RAB3IL1: variants seen among roughly 807,000 people sequenced by gnomAD.
RAB3IL1 encodes the protein RAB3A interacting protein like 1.
RAB3IL1 carries 37 observed loss-of-function variants against 49.2 expected under a neutral mutation model. The observed-to-expected ratio is 0.75, with a 90% CI of 0.58 to 0.99. RAB3IL1 has a LOEUF of 0.99. RAB3IL1 is among the 50% of genes least tolerant of loss of function. The pLI is 0.00. For missense variants in RAB3IL1, 484 were observed against 513.0 expected (o/e 0.94, Z 0.55); for synonymous variants, 193 against 213.9 (o/e 0.90, Z 0.85).
chr11:61,902,299 C>CA (rs1257287066), intron 8 of RAB3IL1, 143 bp downstream of exon 8: 1 of 749,116 alleles, frequency 1.3e-6, no homozygotes, highest in African/African-American at 1.8e-5. Context: ...GCCTGGGTGA[C>CA]AAAGACTCTG....
At chr11:61,931,130 A>G in the RAB3IL1 span, among the ~76,000 whole-genome samples, 522 of 152,292 alleles carry the variant, frequency 3.4e-3, 2 homozygotes, top group African/African-American at 0.012. Flanking sequence ...CCGATAAGCA[A>G]TTTGATCCCT....
At chr11:61,902,303 G>T in intron 8 of RAB3IL1, 139 bp downstream of exon 8, 1 of 762,396 alleles carries the variant, frequency 1.3e-6, no homozygotes, top group Non-Finnish European at 2.1e-6. Flanking sequence ...GGGTGACAAA[G>T]ACTCTGTCTC....
In RAB3IL1 at chr11:61,898,317, C is replaced by T. The variant is rs776597901; in HGVS notation, c.1110G>A (p.Met370Ile). Residue 370 changes from methionine (M) to isoleucine (I), a missense_variant, in exon 10 of 10, where the codon ATG becomes ATA. Transcript: ENST00000394836. This position sits in a 1 kb window ranked among gnomAD's most constrained non-coding sequence, Gnocchi z 5.1. The part of the protein sequence containing the change: ...FWEIMRLRKE[M>I]SLAKLGFFPQ... ...GGAAGAAGCCGAGCTTGGCCAGTGACATCTCCTTCCGCAACCTCATGATCT... is the reference window on the plus strand; with the variant it reads ...GGAAGAAGCCGAGCTTGGCCAGTGATATCTCCTTCCGCAACCTCATGATCT... 5 of 1,613,502 alleles carry T rather than the reference C, an allele frequency of 3.1e-6. No individual in the cohort carries two copies. The highest frequency in any genetic ancestry group is 3.3e-5 in the Admixed American group (2 of 59,996).
At chr11:61,932,547 C>T in the RAB3IL1 span, among the ~76,000 whole-genome samples, 6,559 of 152,208 alleles carry the variant, frequency 0.043, 446 homozygotes, top group South Asian at 0.34. Flanking sequence ...CTTCCAGGCA[C>T]AGGGTGTATA....
Position 61,898,411 on chromosome 11 carries a change from GGGCAGAT to G in RAB3IL1, c.1067-58_1067-52del. 1 of 1,510,520 alleles carries G rather than the reference GGGCAGAT, an allele frequency of 6.6e-7. No individual in the cohort carries two copies. Among genetic ancestry groups the G allele is most frequent in the South Asian group, 1.1e-5 (1 of 88,828 alleles). 93.6% of individuals were successfully genotyped at this position (1,510,520 alleles called of 1,614,324 possible). A position where few individuals can be genotyped will look rare whatever the true frequency, so the allele number is the denominator to read the frequency against. On this transcript the variant is annotated intron_variant, in intron 9 of 9. Transcript: ENST00000394836. This position sits in a 1 kb window ranked among gnomAD's most constrained non-coding sequence, Gnocchi z 5.1. Reference sequence around the variant, plus strand: ...GTCGGGGACAGCTCAGGGTCACCTCGGGCAGATGGCCAGGTCCCCTCCTGTGGCTTTG... The same window carrying G: ...GTCGGGGACAGCTCAGGGTCACCTCGGGCCAGGTCCCCTCCTGTGGCTTTG...
chr11:61,926,221 A>G, the RAB3IL1 span, among the ~76,000 whole-genome samples: 1 of 152,140 alleles, frequency 6.6e-6, no homozygotes, highest in African/African-American at 2.4e-5. Context: ...GCGAAAATCA[A>G]TAAGAAAAAA....
intron 4 of RAB3IL1, 32 bp downstream of exon 4, chr11:61,907,361 G>A (rs747700807): frequency 2.5e-6 from 4 of 1,608,572 alleles, no homozygotes; most frequent in Admixed American, 1.7e-5. Context: ...GGGGTGCCTG[G>A]GCTGGCCTGG....
At chr11:61,944,224 T>TTCCC in the RAB3IL1 span, among the ~76,000 whole-genome samples, 7 of 107,326 alleles carry the variant, frequency 6.5e-5, no homozygotes, top group Non-Finnish European at 1.1e-4. Flanking sequence ...CCTTCCCTCC[T>TTCCC]TCCTTCCTTC....
chr11:61,910,069 T>C (rs186565496), intron 1 of RAB3IL1, among the ~76,000 whole-genome samples: 99 of 152,276 alleles, frequency 6.5e-4, no homozygotes, highest in Middle Eastern at 6.8e-3. Flanking sequence ...CGTGGTATTG[T>C]CCCATTCTAC....
chr11:61,917,580 G>A (rs1039270141), upstream of RAB3IL1: 2 of 1,074,936 alleles, frequency 1.9e-6, no homozygotes, highest in African/African-American at 1.7e-5. Flanking sequence ...GCGGAGGGGG[G>A]AGCGGCCCGA....
In RAB3IL1 at chr11:61,908,276, C is replaced by A; in HGVS notation, c.42G>T (p.Pro14=). Residue 14 remains proline (P), a synonymous_variant, in exon 2 of 10, where the codon CCG becomes CCT. Transcript: ENST00000394836. ...GPPQPDQGLP[P]PLAAVPVPWK... is the part of the protein sequence containing the mutation. The stretch of plus-strand genomic sequence containing the variant: ...AGGGGACCGGGACAGCTGCAAGGGG[C>A]GGCGGGAGGCCCTGGTCTGGCTGGG... The A allele has an allele frequency of 6.7e-7, 1 of 1,497,786 alleles. No homozygotes were observed. The highest frequency in any genetic ancestry group is 2.4e-5 in the East Asian group (1 of 42,138). 92.8% of individuals were successfully genotyped at this position (1,497,786 alleles called of 1,614,324 possible).
intron 1 of RAB3IL1, among the ~76,000 whole-genome samples, chr11:61,915,135 C>A (rs911294744): frequency 6.6e-6 from 1 of 152,234 alleles, no homozygotes; most frequent in African/African-American, 2.4e-5. Context: ...TGCCCCTCAT[C>A]CTTTCCATCT....
intron 1 of RAB3IL1, among the ~76,000 whole-genome samples, chr11:61,913,372 A>G (rs1387829417): frequency 6.6e-6 from 1 of 152,188 alleles, no homozygotes; most frequent in Non-Finnish European, 1.5e-5. Flanking sequence ...AAGGGGAGCC[A>G]GAGTAGGGAG....
At chr11:61,923,431 G>T (rs1316677932), upstream of RAB3IL1, among the ~76,000 whole-genome samples, 3 of 152,174 alleles carry the variant, frequency 2.0e-5, no homozygotes, top group Non-Finnish European at 4.4e-5. Flanking sequence ...TCAGTCACGA[G>T]GGGAGGCTCA....
At chr11:61,924,416 G>C (rs142994968), upstream of RAB3IL1, among the ~76,000 whole-genome samples, 1,151 of 152,286 alleles carry the variant, frequency 7.6e-3, 22 homozygotes, top group African/African-American at 0.026. Context: ...CAGCCTCTGA[G>C]AGATTCGAAT....
intron 7 of RAB3IL1, 123 bp from the exon 8 acceptor site, chr11:61,902,664 C>G (rs116610257): frequency 2.3e-6 from 2 of 877,816 alleles, no homozygotes; most frequent in South Asian, 1.6e-5. Context: ...TCCCTTCCCC[C>G]ACCCGGCTTC....
chr11:61,944,647 T>G, the RAB3IL1 span, among the ~76,000 whole-genome samples: 1 of 152,160 alleles, frequency 6.6e-6, no homozygotes, highest in African/African-American at 2.4e-5. Flanking sequence ...CTATCTGAAG[T>G]TCTTATTTGC....
chr11:61,938,516 A>C, the RAB3IL1 span, among the ~76,000 whole-genome samples: 2 of 152,228 alleles, frequency 1.3e-5, no homozygotes, highest in Non-Finnish European at 2.9e-5. Context: ...TAATGATAAA[A>C]GGTTCAATTC....
chr11:61,928,343 A>G, the RAB3IL1 span, among the ~76,000 whole-genome samples: 2 of 152,174 alleles, frequency 1.3e-5, no homozygotes, highest in African/African-American at 4.8e-5. Flanking sequence ...ACATGGTGCT[A>G]GGACCCTCCA....
Sources: allele counts gnomAD v4.1 joint callset (sites outside exome capture counted in the v4.1 genomes callset), GRCh38; gene constraint gnomAD v4.1.1; non-coding constraint Gnocchi (gnomAD v3.1); transcripts MANE v1.5; gene names NCBI Gene and HGNC (gene_info 2026-07-23, HGNC 2026-07-21).